Variants in COL4A4 observed in about 807,000 individuals in gnomAD.
COL4A4 encodes collagen alpha-4(IV) chain.
In COL4A4, 105 loss-of-function variants were observed where a neutral mutation model predicts 192.9. That is an observed-to-expected ratio of 0.54 (90% CI 0.46 to 0.64). The LOEUF (loss-of-function observed/expected upper bound fraction) is 0.64, where lower values mean the gene tolerates loss of function less well. Among genes scored for constraint, COL4A4 ranks in the 30% least tolerant of loss-of-function variants. The probability of loss-of-function intolerance (pLI) is 0.00; values close to 1 mark genes in which losing one functional copy is unlikely to be tolerated. For synonymous variants in COL4A4, 762 were observed against 769.9 expected (o/e 0.99, Z 0.17); for missense variants, 1,967 against 2,169.3 (o/e 0.91, Z 1.85).
intron 1 of COL4A4, among the ~76,000 whole-genome samples, chr2:227,160,849 A>G (rs2064769869): frequency 6.6e-6 from 1 of 152,206 alleles, no homozygotes; most frequent in Admixed American, 6.5e-5. Context: ...CAGAGATGCA[A>G]TGGCAAGAAA....
intron 44 of COL4A4, among the ~76,000 whole-genome samples, chr2:227,019,251 C>T (rs567218543): frequency 6.6e-6 from 1 of 152,326 alleles, no homozygotes; most frequent in Non-Finnish European, 1.5e-5. Flanking sequence ...GCTAGGACTG[C>T]CTTGCTAAGA....
At chr2:227,026,424 G>A (rs773164376) in intron 42 of COL4A4, among the ~76,000 whole-genome samples, 2 of 151,872 alleles carry the variant, frequency 1.3e-5, no homozygotes, top group African/African-American at 2.4e-5. Flanking sequence ...GCGTGAACCC[G>A]GGAGGTGGAG....
At chr2:226,992,071 C>T in the COL4A4 span, among the ~76,000 whole-genome samples, 137 of 152,206 alleles carry the variant, frequency 9.0e-4, no homozygotes, top group African/African-American at 3.2e-3. Context: ...TAAGACCCTT[C>T]GAGAAAGCCT....
In COL4A4 at chr2:227,012,200, G is replaced by A. The variant is rs373331310; in HGVS notation, c.4314C>T (p.Asp1438=). Reference sequence around the variant, plus strand: ...CTCTACCTGGTCCTCCAGGGTAGCCGTCTTCTCCTGTGTCACCTTTACGTC... The same window carrying A: ...CTCTACCTGGTCCTCCAGGGTAGCCATCTTCTCCTGTGTCACCTTTACGTC... ...PPGRKGDTGE[D]GYPGGPGPPG... The change falls in exon 45 of 48, where the codon GAC becomes GAT. Residue 1438 remains aspartate, a synonymous_variant. Coordinates refer to ENST00000396625, the MANE Select transcript of COL4A4 (RefSeq NM_000092.5). 4.0e-5 allele frequency: 65 copies of A among 1,613,592 alleles called. No individual in the cohort carries two copies. Among genetic ancestry groups the A allele is most frequent in the African/African-American group, 8.0e-5 (6 of 74,898 alleles).
intron 31 of COL4A4, among the ~76,000 whole-genome samples, chr2:227,052,705 T>G (rs1227103687): frequency 2.9e-5 from 3 of 103,808 alleles, no homozygotes; most frequent in Non-Finnish European, 1.8e-5. Flanking sequence ...TAAGACAGAT[T>G]TGAAAAGTTC....
chr2:227,066,474 G>A (rs1178541558), intron 25 of COL4A4, among the ~76,000 whole-genome samples: 6 of 152,088 alleles, frequency 3.9e-5, no homozygotes, highest in South Asian at 2.1e-4. Context: ...GAGAAAGGTC[G>A]GGTTACCCTC....
the COL4A4 span, among the ~76,000 whole-genome samples, chr2:226,980,005 A>G: frequency 0.033 from 5,065 of 152,260 alleles, 114 homozygotes; most frequent in Non-Finnish European, 0.051. Flanking sequence ...GAAGGTGTCA[A>G]GGAAGACTCT....
At chr2:227,020,487 G>T (rs1472778540) in intron 44 of COL4A4, among the ~76,000 whole-genome samples, 2 of 152,164 alleles carry the variant, frequency 1.3e-5, no homozygotes, top group African/African-American at 2.4e-5. Flanking sequence ...TTTGAGGAAG[G>T]CTCCAGGGCT....
intron 34 of COL4A4, 135 bp from the exon 35 acceptor site, chr2:227,047,684 C>A: frequency 1.2e-5 from 7 of 591,266 alleles, no homozygotes; most frequent in South Asian, 1.8e-5. Context: ...TACTTTTATT[C>A]TAAATAAGAA....
Position 227,007,306 on chromosome 2 carries a change from T to A in COL4A4, c.*19A>T. ...CTAGGAAGTTTCTCTTGGCCACGTG[T>A]TGGTGAATTTCGCATTCTCTAGCTA... On this transcript the variant is annotated 3_prime_UTR_variant, in exon 48 of 48. Coordinates refer to ENST00000396625, the MANE Select transcript of COL4A4 (RefSeq NM_000092.5). 1 of 1,614,196 alleles carries A rather than the reference T, an allele frequency of 6.2e-7. No individual in the cohort carries two copies. The highest frequency in any genetic ancestry group is 8.5e-7 in the Non-Finnish European group (1 of 1,180,024).
intron 34 of COL4A4, among the ~76,000 whole-genome samples, chr2:227,048,553 A>G (rs1973382170): frequency 6.6e-6 from 1 of 152,228 alleles, no homozygotes. Context: ...GTAGACAGGT[A>G]AGTGAAAAAA....
At chr2:227,015,064 A>T (rs1390861588) in intron 44 of COL4A4, among the ~76,000 whole-genome samples, 1 of 151,802 alleles carries the variant, frequency 6.6e-6, no homozygotes, top group Admixed American at 6.6e-5. Context: ...AAGCCCAGCT[A>T]ATTTTTTTGT....
At chr2:227,134,259 A>G (rs531063454) in intron 4 of COL4A4, among the ~76,000 whole-genome samples, 2 of 152,298 alleles carry the variant, frequency 1.3e-5, no homozygotes, top group South Asian at 2.1e-4. Context: ...AGGACATCTG[A>G]GTCTGCCATC....
chr2:227,130,814 C>T (rs972182160), intron 4 of COL4A4, among the ~76,000 whole-genome samples: 1 of 152,212 alleles, frequency 6.6e-6, no homozygotes, highest in South Asian at 2.1e-4. Context: ...CAGCAGCTTA[C>T]ACCTCTCCTG....
intron 4 of COL4A4, among the ~76,000 whole-genome samples, chr2:227,136,154 T>C (rs1373730222): frequency 6.6e-6 from 1 of 152,158 alleles, no homozygotes; most frequent in Non-Finnish European, 1.5e-5. Flanking sequence ...AGTGTATGCT[T>C]GCAATCTAAT....
chr2:227,041,846 A>AAGAAAGAAAGAAAGAAAGAGAGAGAGAG (rs1559478097), intron 37 of COL4A4, among the ~76,000 whole-genome samples: 1 of 39,302 alleles, frequency 2.5e-5, no homozygotes, highest in Non-Finnish European at 4.4e-5. Context: ...GAAAGAAAGA[A>AAGAAAGAAAGAAAGAAAGAGAGAGAGAG]AGAGAAAGAA....
At chr2:227,146,953 A>G (rs2063587629) in intron 2 of COL4A4, among the ~76,000 whole-genome samples, 1 of 152,332 alleles carries the variant, frequency 6.6e-6, no homozygotes, top group Middle Eastern at 3.4e-3. Context: ...ATTAGGAACC[A>G]TAATTCTATC....
Position 227,006,752 on chromosome 2 carries a change from G to A in COL4A4, c.*573C>T, listed in dbSNP as rs1282114224. 7.2e-6 allele frequency: 1 copy of A among 139,274 alleles called. No homozygotes were observed. The highest frequency in any genetic ancestry group is 2.8e-5 in the African/African-American group (1 of 35,138). The allele number at this position is 139,274 out of a possible 1,614,324, so 8.6% of individuals were successfully genotyped here. ...TTGAAAGGAACTGTTAACGCTGGCA[G>A]TGTGAATTTTTTTTTTTCTTCTTTA... On this transcript the variant is annotated 3_prime_UTR_variant, in exon 48 of 48. Transcript: ENST00000396625.
rs369185624 is a variant in COL4A4, at chr2:227,045,971, ATGTG to A, written c.3289+1500_3289+1503del. ...TATATGTATATATGTATATATTTAT[ATGTG>A]TATATGTATATATTTAGATATTTAG... On this transcript the variant is annotated intron_variant, in intron 35 of 47. Transcript: ENST00000396625. Among the ~76,000 whole-genome samples, 118 of 52,444 alleles carry A rather than the reference ATGTG, an allele frequency of 2.3e-3. 8 individuals are homozygous for A. Among genetic ancestry groups the A allele is most frequent in the African/African-American group, 8.8e-3 (111 of 12,580 alleles). The allele number at this position is 52,444 out of a possible 152,430, so 34.4% of individuals were successfully genotyped here. A position where few individuals can be genotyped will look rare whatever the true frequency, so the allele number is the denominator to read the frequency against.
Sources: allele counts gnomAD v4.1 joint callset (sites outside exome capture counted in the v4.1 genomes callset), GRCh38; gene constraint gnomAD v4.1.1; transcripts MANE v1.5; gene names NCBI Gene and HGNC (gene_info 2026-07-23, HGNC 2026-07-21).